Variants in RAP1GAP2 observed in about 807,000 individuals in gnomAD.
RAP1GAP2 encodes RAP1 GTPase activating protein 2.
In RAP1GAP2, 27 loss-of-function variants were observed where a neutral mutation model predicts 95.0. That is an observed-to-expected ratio of 0.28 (90% CI 0.21 to 0.39). RAP1GAP2 has a LOEUF of 0.39. RAP1GAP2 is among the 10% of genes least tolerant of loss of function. The pLI, the probability that RAP1GAP2 is intolerant of heterozygous loss-of-function variation, is 1.00. For missense variants in RAP1GAP2, 771 were observed against 970.0 expected, an observed-to-expected ratio of 0.79 and a Z score of 2.72; for synonymous variants, 373 against 380.9, an observed-to-expected ratio of 0.98 and a Z score of 0.24.
intron 2 of RAP1GAP2, among the ~76,000 whole-genome samples, chr17:2,820,903 T>TTTTTTTTTTTTTG (rs1567678183): frequency 4.1e-5 from 6 of 145,968 alleles, no homozygotes; most frequent in African/African-American, 1.3e-4. Flanking sequence ...TTTTTTTTTT[T>TTTTTTTTTTTTTG]TTTTTTGTAT....
chr17:2,785,421 T>C (rs925067508), intron 1 of RAP1GAP2, among the ~76,000 whole-genome samples: 4 of 150,172 alleles, frequency 2.7e-5, no homozygotes, highest in Non-Finnish European at 4.4e-5. Context: ...AAAAGTAAGA[T>C]AAATAGCCAG....
intron 12 of RAP1GAP2, among the ~76,000 whole-genome samples, chr17:2,992,324 G>C (rs1448129426): frequency 2.6e-5 from 4 of 151,614 alleles, no homozygotes; most frequent in Admixed American, 6.6e-5. Flanking sequence ...ACCATGCCTG[G>C]CTAATTTTTG....
chr17:2,940,153 C>T (rs1166679244), intron 3 of RAP1GAP2, among the ~76,000 whole-genome samples: 2 of 152,156 alleles, frequency 1.3e-5, no homozygotes, highest in Non-Finnish European at 2.9e-5. Context: ...CAGAGCCTCT[C>T]CTGTTGTCAC....
chr17:2,929,435 T>C (rs977348232), intron 3 of RAP1GAP2, among the ~76,000 whole-genome samples: 1 of 151,988 alleles, frequency 6.6e-6, no homozygotes, highest in Admixed American at 6.6e-5. Flanking sequence ...GAAGGGGCGC[T>C]CCATCTGCAG....
chr17:2,887,614 A>G lies in RAP1GAP2; in HGVS notation c.81-17670A>G, dbSNP rs2151685990. ...GGTCTCGAACTCCTGACCTAAGGTGATCTGCCTGCCTCAGCCTCCCAAAGT... is the reference window on the plus strand; with the variant it reads ...GGTCTCGAACTCCTGACCTAAGGTGGTCTGCCTGCCTCAGCCTCCCAAAGT... On this transcript the variant is annotated intron_variant, in intron 2 of 24. Coordinates refer to ENST00000254695, the MANE Select transcript of RAP1GAP2 (RefSeq NM_015085.5). Among the ~76,000 whole-genome samples, 3 of 151,474 alleles carry G rather than the reference A, an allele frequency of 2.0e-5. 1 individual carries two copies. The South Asian group carries it at 6.3e-4, about 32-fold the overall frequency.
intron 1 of RAP1GAP2, among the ~76,000 whole-genome samples, chr17:2,789,526 T>G (rs946282493): frequency 4.1e-5 from 6 of 147,798 alleles, no homozygotes; most frequent in Non-Finnish European, 5.9e-5. Context: ...TTTGGGAAAC[T>G]GAGGCGGGCA....
intron 12 of RAP1GAP2, among the ~76,000 whole-genome samples, chr17:2,992,185 T>A (rs914902117): frequency 1.7e-3 from 244 of 140,082 alleles, no homozygotes; most frequent in African/African-American, 6.2e-3. Context: ...TTTTTTGAGA[T>A]GGAGTCATGC....
chr17:3,030,953 C>A lies in RAP1GAP2; in HGVS notation c.2139C>A (p.Asn713Lys). The A allele has an allele frequency of 6.2e-7, 1 of 1,611,408 alleles. No individual in the cohort carries two copies. Among genetic ancestry groups the A allele is most frequent in the Non-Finnish European group, 8.5e-7 (1 of 1,178,934 alleles). The change falls in exon 23 of 25, where the codon AAC becomes AAA. Residue 713 changes from asparagine to lysine, a missense_variant. Coordinates refer to ENST00000254695, the MANE Select transcript of RAP1GAP2 (RefSeq NM_015085.5). ...AAAGCAGAAACTCCCCGAGATCGAACCTGAAATTCCGCTTTGACAAGCTCA... is the reference window on the plus strand; with the variant it reads ...AAAGCAGAAACTCCCCGAGATCGAAACTGAAATTCCGCTTTGACAAGCTCA... ...DAKSRNSPRS[N>K]LKFRFDKLSH...
intron 18 of RAP1GAP2, among the ~76,000 whole-genome samples, chr17:3,019,347 A>C (rs1326424216): frequency 1.3e-5 from 2 of 152,112 alleles, no homozygotes; most frequent in African/African-American, 4.8e-5. Flanking sequence ...CCCCATCTCT[A>C]CAAAAAAATG....
At chr17:2,916,740 C>T (rs2042582724) in intron 3 of RAP1GAP2, among the ~76,000 whole-genome samples, 3 of 152,186 alleles carry the variant, frequency 2.0e-5, no homozygotes, top group South Asian at 2.1e-4. Flanking sequence ...TGGACTGTGA[C>T]GATGGCGATG....
chr17:3,006,173 C>CTGGA, intron 16 of RAP1GAP2, 132 bp downstream of exon 16: 1 of 755,694 alleles, frequency 1.3e-6, no homozygotes, highest in East Asian at 2.9e-5. Context: ...GTTACCCAGG[C>CTGGA]TGGAGTGCAG....
chr17:2,779,440 C>T (rs538729060), intron 1 of RAP1GAP2, among the ~76,000 whole-genome samples: 19 of 152,334 alleles, frequency 1.2e-4, no homozygotes, highest in Non-Finnish European at 2.4e-4. Context: ...AGACCCCTCC[C>T]GGTCATAGGA....
intron 3 of RAP1GAP2, among the ~76,000 whole-genome samples, chr17:2,948,958 C>G (rs1421859636): frequency 2.6e-5 from 4 of 152,224 alleles, no homozygotes; most frequent in African/African-American, 7.2e-5. Context: ...CAAGATTTCC[C>G]AAGCCTAAAT....
intron 3 of RAP1GAP2, among the ~76,000 whole-genome samples, chr17:2,934,201 G>A (rs553082487): frequency 2.6e-5 from 4 of 152,248 alleles, no homozygotes; most frequent in Non-Finnish European, 5.9e-5. Flanking sequence ...GCACGATCTC[G>A]GCTCACTGCA....
At chr17:3,015,498 C>G (rs2046727696) in intron 17 of RAP1GAP2, among the ~76,000 whole-genome samples, 1 of 152,132 alleles carries the variant, frequency 6.6e-6, no homozygotes, top group Non-Finnish European at 1.5e-5. Flanking sequence ...TTCTTGGGAC[C>G]ACTTTGCTGT....
intron 2 of RAP1GAP2, among the ~76,000 whole-genome samples, chr17:2,880,923 T>G (rs12952952): frequency 0.21 from 32,625 of 151,858 alleles, 3,617 homozygotes; most frequent in African/African-American, 0.27. Context: ...GGTCAGGAGT[T>G]CGAGACCAGC....
intron 9 of RAP1GAP2, 78 bp from the exon 10 acceptor site, chr17:2,981,117 A>G (rs1289927831): frequency 1.4e-6 from 2 of 1,384,606 alleles, no homozygotes; most frequent in African/African-American, 1.4e-5. Flanking sequence ...CCCATGCCGC[A>G]TTGTCCAGGT....
At chr17:2,757,930 C>T (rs11867936) in intron 1 of RAP1GAP2, among the ~76,000 whole-genome samples, 4,961 of 150,950 alleles carry the variant, frequency 0.033, 122 homozygotes, top group East Asian at 0.078. Flanking sequence ...AGTGGAGTGG[C>T]GCGATCTCGG....
intron 1 of RAP1GAP2, among the ~76,000 whole-genome samples, chr17:2,787,590 T>TG (rs541583201): frequency 3.3e-5 from 5 of 151,970 alleles, no homozygotes; most frequent in African/African-American, 1.2e-4. Flanking sequence ...TTTTTTGAGA[T>TG]GGAGTCTTGC....
Sources: allele counts gnomAD v4.1 joint callset (sites outside exome capture counted in the v4.1 genomes callset), GRCh38; gene constraint gnomAD v4.1.1; transcripts MANE v1.5; gene names NCBI Gene and HGNC (gene_info 2026-07-23, HGNC 2026-07-21).